Variants in STK31 observed in about 807,000 individuals in gnomAD.
The protein encoded by STK31 is serine/threonine kinase 31, also known as serine/threonine-protein kinase 31.
A neutral mutation model predicts 129.7 loss-of-function variants in STK31; 89 were observed. The observed-to-expected ratio is 0.69, with a 90% CI of 0.58 to 0.82. The LOEUF (loss-of-function observed/expected upper bound fraction) is 0.82. Ranked by LOEUF, STK31 falls within the 40% of genes least tolerant of loss-of-function variation. STK31 has a pLI of 0.00. For missense variants in STK31, 1,187 were observed against 1,176.4 expected (o/e 1.01, Z -0.13); for synonymous variants, 448 against 395.3 (o/e 1.13, Z -1.58).
chr7:23,766,238 A>C (rs912416421), intron 11 of STK31, among the ~76,000 whole-genome samples: 2 of 152,098 alleles, frequency 1.3e-5, no homozygotes, highest in Non-Finnish European at 2.9e-5. Flanking sequence ...TGACAATAAT[A>C]ATCTATTGTT....
chr7:23,751,574 T>C (rs1442151602), intron 8 of STK31, among the ~76,000 whole-genome samples: 1 of 152,198 alleles, frequency 6.6e-6, no homozygotes, highest in Non-Finnish European at 1.5e-5. Context: ...TTAGGCTGAA[T>C]TGGTTGATAG....
intron 15 of STK31, among the ~76,000 whole-genome samples, chr7:23,774,354 C>G (rs538125283): frequency 1.3e-5 from 2 of 152,124 alleles, no homozygotes; most frequent in African/African-American, 4.8e-5. Flanking sequence ...GAGGAATTGC[C>G]ACACTGTCTT....
At chr7:23,765,164 C>G (rs1330769549) in intron 11 of STK31, among the ~76,000 whole-genome samples, 1 of 152,034 alleles carries the variant, frequency 6.6e-6, no homozygotes, top group Admixed American at 6.6e-5. Context: ...AAGCGATTCT[C>G]CTGCCTCAGC....
intron 23 of STK31, among the ~76,000 whole-genome samples, chr7:23,824,098 T>C (rs1193639140): frequency 6.6e-6 from 1 of 152,220 alleles, no homozygotes; most frequent in African/African-American, 2.4e-5. Context: ...GTTGGTTCCA[T>C]ATGAACTTTA....
At chr7:23,739,406 TC>T (rs1787920827) in intron 8 of STK31, among the ~76,000 whole-genome samples, 1 of 152,220 alleles carries the variant, frequency 6.6e-6, no homozygotes, top group Non-Finnish European at 1.5e-5. Context: ...GCAAAAATTT[TC>T]TCCCATTCTG....
intron 22 of STK31, among the ~76,000 whole-genome samples, chr7:23,796,675 C>T (rs1267217619): frequency 6.6e-6 from 1 of 152,192 alleles, no homozygotes; most frequent in Non-Finnish European, 1.5e-5. Flanking sequence ...TTTGTAGTCA[C>T]AGCCTCCTCC....
At chr7:23,761,991 G>C (rs1789497821) in intron 10 of STK31, among the ~76,000 whole-genome samples, 1 of 150,742 alleles carries the variant, frequency 6.6e-6, no homozygotes, top group Non-Finnish European at 1.5e-5. Context: ...AAATAATCTG[G>C]TTGAGCTTAT....
At chr7:23,826,956 G>C (rs1794192462) in intron 23 of STK31, among the ~76,000 whole-genome samples, 1 of 152,118 alleles carries the variant, frequency 6.6e-6, no homozygotes, top group African/African-American at 2.4e-5. Flanking sequence ...TTTCTGCTGA[G>C]AGATTCACTG....
At chr7:23,783,944 A>G (rs1451521947) in intron 17 of STK31, among the ~76,000 whole-genome samples, 1 of 152,194 alleles carries the variant, frequency 6.6e-6, no homozygotes, top group African/African-American at 2.4e-5. Context: ...ACTTTTTGAA[A>G]TGACAAAATA....
chr7:23,772,064 C>A, intron 14 of STK31, 83 bp from the exon 15 acceptor site: 1 of 1,078,282 alleles, frequency 9.3e-7, no homozygotes, highest in Non-Finnish European at 1.3e-6. Flanking sequence ...CTAGTTGAAT[C>A]TTAACAGAGA....
chr7:23,713,363 T>C (rs1407023311), intron 3 of STK31, among the ~76,000 whole-genome samples: 1 of 152,156 alleles, frequency 6.6e-6, no homozygotes, highest in African/African-American at 2.4e-5. Flanking sequence ...AGAAATTGCT[T>C]TGGGTGAGTC....
intron 1 of STK31, among the ~76,000 whole-genome samples, chr7:23,711,363 G>C (rs924227393): frequency 1.3e-5 from 2 of 151,920 alleles, no homozygotes; most frequent in Non-Finnish European, 2.9e-5. Context: ...CTTGAACCCG[G>C]GGGGTGGAGG....
At chr7:23,719,216 G>GA (rs1219945877) in intron 4 of STK31, among the ~76,000 whole-genome samples, 1 of 151,878 alleles carries the variant, frequency 6.6e-6, no homozygotes, top group African/African-American at 2.4e-5. Flanking sequence ...ACTGTAAAAT[G>GA]AATGCATTTA....
In STK31 at chr7:23,786,636, A is replaced by G. The variant is rs1013671827; in HGVS notation, c.2400+3A>G. On this transcript the variant is annotated splice_donor_region_variant and intron_variant, in intron 19 of 23. Coordinates refer to ENST00000355870, the MANE Select transcript of STK31 (RefSeq NM_031414.5). ...TGATATTCCTGTTTTTATGTAAGGTAAAGTTCTTATGCTAATCTCTTGCAG... is the reference window on the plus strand; with the variant it reads ...TGATATTCCTGTTTTTATGTAAGGTGAAGTTCTTATGCTAATCTCTTGCAG... 8 of 1,611,756 alleles carry G rather than the reference A, an allele frequency of 5.0e-6. No individual in the cohort carries two copies. Among genetic ancestry groups the G allele is most frequent in the Admixed American group, 1.7e-5 (1 of 59,398 alleles).
intron 22 of STK31, among the ~76,000 whole-genome samples, chr7:23,810,940 TACACAC>T (rs142209476): frequency 3.6e-5 from 5 of 140,340 alleles, no homozygotes; most frequent in African/African-American, 7.9e-5. Context: ...TGTGTGTATA[TACACAC>T]ACACACACAC....
chr7:23,822,825 C>G (rs1793871504), intron 23 of STK31, among the ~76,000 whole-genome samples: 1 of 152,076 alleles, frequency 6.6e-6, no homozygotes, highest in African/African-American at 2.4e-5. Context: ...CAGTTCCCAC[C>G]TGTGAGTGAG....
intron 4 of STK31, chr7:23,722,307 T>G (rs184318538): frequency 6.5e-6 from 1 of 153,476 alleles, no homozygotes; most frequent in Admixed American, 6.5e-5. Context: ...AGTCAGGACC[T>G]TCACGTCCTC....
intron 23 of STK31, among the ~76,000 whole-genome samples, chr7:23,817,397 T>C (rs1793537954): frequency 6.9e-6 from 1 of 145,076 alleles, no homozygotes; most frequent in African/African-American, 2.5e-5. Context: ...GATTTATAAA[T>C]TGAGTAATAA....
At chr7:23,772,389 A>C (rs1790255982) in intron 15 of STK31, 111 bp downstream of exon 15, 1 of 1,141,590 alleles carries the variant, frequency 8.8e-7, no homozygotes, top group Non-Finnish European at 1.2e-6. Flanking sequence ...GAGCCATTAC[A>C]TTCACATTTT....
Sources: gnomAD v4.1 joint callset for allele counts (sites outside exome capture counted in the v4.1 genomes callset) on GRCh38, gnomAD v4.1.1 for gene constraint, MANE v1.5 for transcripts, NCBI Gene and HGNC (gene_info 2026-07-23, HGNC 2026-07-21) for gene names.